COPG1: variants seen among roughly 807,000 people sequenced by gnomAD.
COPG1 encodes coatomer subunit gamma-1.
Under a neutral mutation model 102.8 loss-of-function variants are expected in COPG1, and 29 were observed. That is an observed-to-expected ratio of 0.28 (90% confidence interval 0.21 to 0.38). The LOEUF (loss-of-function observed/expected upper bound fraction) is 0.38. Among genes scored for constraint, COPG1 ranks in the 10% least tolerant of loss-of-function variants. The pLI, the probability that COPG1 is intolerant of heterozygous loss-of-function variation, is 1.00. For missense variants in COPG1, 875 were observed against 1,132.7 expected, an observed-to-expected ratio of 0.77 and a Z score of 3.27; for synonymous variants, 406 against 421.6, an observed-to-expected ratio of 0.96 and a Z score of 0.45.
intron 8 of COPG1, 105 bp downstream of exon 8, chr3:129,256,259 C>A: frequency 1.1e-6 from 1 of 892,874 alleles, no homozygotes; most frequent in Non-Finnish European, 1.8e-6. Context: ...GACCCCTGGC[C>A]ATAGCAGGCT....
chr3:129,276,142 T>C (rs1940267173), intron 23 of COPG1, among the ~76,000 whole-genome samples: 1 of 152,282 alleles, frequency 6.6e-6, no homozygotes, highest in African/African-American at 2.4e-5. Context: ...TCCTACACTG[T>C]GGACAACATA....
At chr3:129,260,515 A>T in intron 11 of COPG1, 104 bp from the exon 12 acceptor site, 1 of 1,506,752 alleles carries the variant, frequency 6.6e-7, no homozygotes, top group South Asian at 1.2e-5. Context: ...TTTCTTCTAG[A>T]TGGTGAGATG....
rs1940076041 is a variant in COPG1, at chr3:129,267,085, G to C, written c.1530G>C (p.Leu510Phe). The change falls in exon 15 of 24, where the codon TTG becomes TTC. Residue 510 changes from leucine (L) to phenylalanine (F), a missense_variant. Leu to Phe is a conservative substitution (Grantham distance 22). Coordinates refer to ENST00000314797, the MANE Select transcript of COPG1 (RefSeq NM_016128.4). ...AQNEEMLPSI[L>F]VLLKRCVMDD... ...ATGAAGAGATGTTACCCAGTATCTT[G>C]GTGTTGCTGAAGAGGTGAGTCTAGG... 2 of 1,613,782 alleles carry C rather than the reference G, an allele frequency of 1.2e-6. No individual in the cohort carries two copies. Among genetic ancestry groups the C allele is most frequent in the East Asian group, 2.2e-5 (1 of 44,884 alleles).
At chr3:129,266,873 C>A in intron 14 of COPG1, 151 bp from the exon 15 acceptor site, 1 of 653,006 alleles carries the variant, frequency 1.5e-6, no homozygotes, top group Non-Finnish European at 2.8e-6. Context: ...CAAAGCCACT[C>A]ACTCTGTTGG....
At chr3:129,251,877 G>T (rs537738470) in intron 2 of COPG1, among the ~76,000 whole-genome samples, 1 of 149,132 alleles carries the variant, frequency 6.7e-6, no homozygotes, top group Non-Finnish European at 1.5e-5. Context: ...TAGTACAGAC[G>T]GGGTTTCACC....
intron 1 of COPG1, 146 bp from the exon 2 acceptor site, chr3:129,250,536 A>G (rs1939673085): frequency 3.1e-6 from 2 of 655,236 alleles, no homozygotes; most frequent in East Asian, 2.7e-5. Flanking sequence ...GGATCCCTAG[A>G]CAGATTGTAG....
chr3:129,264,070 G>C (rs1000896910), intron 13 of COPG1, 71 bp downstream of exon 13: 13 of 1,277,096 alleles, frequency 1.0e-5, no homozygotes, highest in Middle Eastern at 2.3e-4. Flanking sequence ...CTGGCTCCAT[G>C]CTCAGCTTTG....
In COPG1 at chr3:129,267,990, A is replaced by T; in HGVS notation, c.1598A>T (p.Asn533Ile). 2 of 1,614,072 alleles carry T rather than the reference A, an allele frequency of 1.2e-6. No homozygotes were observed. ...EVRDRATFYL[N>I]VLEQKQKALN... ...AGGGACCGAGCCACCTTCTACCTAA[A>T]TGTCCTGGAGCAGAAGCAGAAGGCC... Residue 533 changes from asparagine (N) to isoleucine (I), a missense_variant, in exon 16 of 24, where the codon AAT (asparagine) becomes ATT (isoleucine). Transcript: ENST00000314797.
At position 129,272,276 on chromosome 3, in the gene COPG1, C is replaced by G; in HGVS notation, c.2019C>G (p.Thr673=). 2 of 1,614,088 alleles carry G rather than the reference C, an allele frequency of 1.2e-6. No homozygotes were observed. The highest frequency in any genetic ancestry group is 1.7e-6 in the Non-Finnish European group (2 of 1,179,948). Residue 673 remains threonine (T), a synonymous_variant, in exon 20 of 24, where the codon ACC becomes ACG. Transcript: ENST00000314797. The part of the protein sequence containing the change: ...FDCTNTLNDQ[T]LENVTVQMEP... ...GCACAAACACACTCAATGACCAGAC[C>G]TTGGAGAATGTCACAGTGCAGATGG...
intron 10 of COPG1, 89 bp downstream of exon 10, chr3:129,257,949 T>C: frequency 6.6e-7 from 1 of 1,524,734 alleles, no homozygotes; most frequent in Non-Finnish European, 8.9e-7. Context: ...AGAAAGAAAA[T>C]GCTCTTAACA....
rs1939715058 is a variant in COPG1, at chr3:129,252,275, T to C, written c.91-6T>C. The C allele has an allele frequency of 6.3e-7, 1 of 1,597,210 alleles. No individual in the cohort carries two copies. Among genetic ancestry groups the C allele is most frequent in the African/African-American group, 1.3e-5 (1 of 74,312 alleles). On this transcript the variant is annotated splice_region_variant and splice_polypyrimidine_tract_variant and intron_variant, in intron 2 of 23. Transcript: ENST00000314797. ...GAAGGTAACATCTTTGGTCATTTCTTCTTAGGCCCGTGTATTTAATGAAAC... is the reference window on the plus strand; with the variant it reads ...GAAGGTAACATCTTTGGTCATTTCTCCTTAGGCCCGTGTATTTAATGAAAC...
At position 129,255,088 on chromosome 3, in the gene COPG1, G is replaced by C; in HGVS notation, c.492+11G>C. The C allele has an allele frequency of 6.3e-7, 1 of 1,595,076 alleles. No homozygotes were observed. The highest frequency in any genetic ancestry group is 8.6e-7 in the Non-Finnish European group (1 of 1,162,958). ...CTCGTGTCTTCCTTGGTGTGTAGTT[G>C]CTGCTGGAGCCCTGCTGGGGGTGGG... On this transcript the variant is annotated intron_variant, in intron 7 of 23. Coordinates refer to ENST00000314797, the MANE Select transcript of COPG1 (RefSeq NM_016128.4).
chr3:129,253,866 G>A (rs1203110523), intron 5 of COPG1, among the ~76,000 whole-genome samples: 1 of 152,066 alleles, frequency 6.6e-6, no homozygotes, highest in African/African-American at 2.4e-5. Flanking sequence ...CAGGTGTGGT[G>A]GCGCACACCT....
At chr3:129,251,450 C>A (rs573821949) in intron 2 of COPG1, among the ~76,000 whole-genome samples, 20 of 151,178 alleles carry the variant, frequency 1.3e-4, no homozygotes, top group Admixed American at 1.2e-3. Flanking sequence ...GGCACGATCT[C>A]GGCTCAACTG....
At chr3:129,250,870 C>A in intron 2 of COPG1, 136 bp downstream of exon 2, 7 of 534,168 alleles carry the variant, frequency 1.3e-5, no homozygotes, top group Non-Finnish European at 2.1e-5. Context: ...TTCTGGAAGA[C>A]AGGAAAACTT....
chr3:129,250,765 A>G (rs755608748), intron 2 of COPG1, 31 bp downstream of exon 2: 6 of 1,584,434 alleles, frequency 3.8e-6, no homozygotes, highest in South Asian at 2.2e-5. Flanking sequence ...TCTAGCTTCC[A>G]TCATAAATAT....
At position 129,272,407 on chromosome 3, in the gene COPG1, C is replaced by T. The variant is rs747304898; in HGVS notation, c.2150C>T (p.Pro717Leu). 1.2e-6 allele frequency: 2 copies of T among 1,613,240 alleles called. No homozygotes were observed. The highest frequency in any genetic ancestry group is 2.2e-5 in the South Asian group (2 of 90,940). Residue 717 changes from proline to leucine, a missense_variant, in exon 20 of 24, where the codon CCC becomes CTC. Pro to Leu is a moderately conservative substitution (Grantham distance 98). Transcript: ENST00000314797. ...CTGGTGGCACTGCCCAAAGAAGACC[C>T]CACAGCTGGTGAGCCCCTCTCCAGA... ...YTLVALPKED[P>L]TAVACTFSCM...
intron 2 of COPG1, among the ~76,000 whole-genome samples, chr3:129,251,047 C>T (rs1371576455): frequency 1.3e-5 from 2 of 150,450 alleles, no homozygotes; most frequent in Admixed American, 6.6e-5. Flanking sequence ...CCTCAGCCTC[C>T]CAAGTAGCTG....
intron 23 of COPG1, 137 bp from the exon 24 acceptor site, chr3:129,277,157 C>G: frequency 3.6e-6 from 3 of 830,810 alleles, no homozygotes; most frequent in South Asian, 1.6e-5. Context: ...ATCCCTCACT[C>G]AGGGATTTCA....
Sources: gnomAD v4.1 joint callset for allele counts (sites outside exome capture counted in the v4.1 genomes callset) on GRCh38, gnomAD v4.1.1 for gene constraint, MANE v1.5 for transcripts, NCBI Gene and HGNC (gene_info 2026-07-23, HGNC 2026-07-21) for gene names.